Variants in FAM184A observed in about 807,000 individuals in gnomAD.
FAM184A encodes the protein family with sequence similarity 184 member A, also known as protein FAM184A.
Under a neutral mutation model 143.8 loss-of-function variants are expected in FAM184A, and 99 were observed. The ratio of observed to expected loss-of-function variants is 0.69; its 90% CI spans 0.58 to 0.81. The LOEUF (loss-of-function observed/expected upper bound fraction) is 0.81, where lower values mean the gene tolerates loss of function less well. Ranked by LOEUF, FAM184A falls within the 40% of genes least tolerant of loss-of-function variation. FAM184A has a pLI of 0.00. For synonymous variants in FAM184A, 427 were observed against 446.4 expected (o/e 0.96, Z 0.55); for missense variants, 1,217 against 1,310.5 (o/e 0.93, Z 1.10).
chr6:119,067,799 T>A (rs1161838999), intron 1 of FAM184A, among the ~76,000 whole-genome samples: 2 of 152,102 alleles, frequency 1.3e-5, no homozygotes, highest in Admixed American at 1.3e-4. Flanking sequence ...CAATGTAGAC[T>A]ATATATCCAT....
intron 1 of FAM184A, among the ~76,000 whole-genome samples, chr6:119,072,015 C>T (rs1252767864): frequency 6.6e-6 from 1 of 152,008 alleles, no homozygotes; most frequent in South Asian, 2.1e-4. Context: ...GCACCCACCA[C>T]CACACCAGCT....
intron 1 of FAM184A, among the ~76,000 whole-genome samples, chr6:119,053,335 A>AC (rs953763636): frequency 1.3e-5 from 2 of 151,616 alleles, no homozygotes; most frequent in Non-Finnish European, 2.9e-5. Context: ...TTACTCACAT[A>AC]CCCCCCAGAC....
intron 9 of FAM184A, among the ~76,000 whole-genome samples, chr6:118,993,638 A>T (rs1281306527): frequency 1.3e-5 from 2 of 152,362 alleles, no homozygotes; most frequent in East Asian, 3.9e-4. Flanking sequence ...AACATTGATT[A>T]GTTTTTGCTA....
At chr6:119,042,763 T>C (rs1322185888) in intron 1 of FAM184A, among the ~76,000 whole-genome samples, 1 of 152,162 alleles carries the variant, frequency 6.6e-6, no homozygotes, top group Non-Finnish European at 1.5e-5. Context: ...TGGGTGATAA[T>C]GATGTGTCAA....
At chr6:119,023,373 T>C (rs931181491) in intron 2 of FAM184A, among the ~76,000 whole-genome samples, 3 of 152,158 alleles carry the variant, frequency 2.0e-5, no homozygotes, top group East Asian at 1.9e-4. Flanking sequence ...CCGGCATTTT[T>C]TTCCCCCAGA....
chr6:119,026,936 T>A (rs1785655131), intron 1 of FAM184A, among the ~76,000 whole-genome samples: 1 of 152,196 alleles, frequency 6.6e-6, no homozygotes, highest in Admixed American at 6.5e-5. Context: ...CCAGAGAGCA[T>A]GACACCTTTT....
At chr6:119,072,516 C>G (rs1372551816) in intron 1 of FAM184A, among the ~76,000 whole-genome samples, 1 of 152,026 alleles carries the variant, frequency 6.6e-6, no homozygotes. Context: ...TCAAACAAAC[C>G]AATTAGTGAA....
At chr6:118,972,939 T>C (rs1394671938) in intron 14 of FAM184A, among the ~76,000 whole-genome samples, 2 of 152,324 alleles carry the variant, frequency 1.3e-5, no homozygotes, top group Non-Finnish European at 2.9e-5. Flanking sequence ...GGCAGATACC[T>C]GAGCTCATAC....
intron 1 of FAM184A, among the ~76,000 whole-genome samples, chr6:119,074,720 T>C (rs1426065019): frequency 6.6e-6 from 1 of 152,218 alleles, no homozygotes; most frequent in East Asian, 1.9e-4. Flanking sequence ...AAAACATAAT[T>C]GAATCCATCC....
In FAM184A at chr6:118,999,163, G is replaced by A. The variant is rs1784669649; in HGVS notation, c.2088+3736C>T. Among the ~76,000 whole-genome samples, 3 of 152,140 alleles carry A rather than the reference G, an allele frequency of 2.0e-5. 1 individual carries two copies. The highest frequency in any genetic ancestry group is 2.0e-4 in the Admixed American group (3 of 15,258). ...GCTGAGCAGTAAACAGTGAACGGAC[G>A]CTAGTTCTAGAAAGAGCAGTTTGGC... is the stretch of plus-strand genomic sequence containing the variant. On this transcript the variant is annotated intron_variant, in intron 9 of 17. Coordinates refer to ENST00000338891, the MANE Select transcript of FAM184A (RefSeq NM_024581.6).
intron 1 of FAM184A, among the ~76,000 whole-genome samples, chr6:119,140,799 G>A (rs1278662672): frequency 1.3e-5 from 2 of 152,198 alleles, no homozygotes; most frequent in South Asian, 2.1e-4. Context: ...CCTGGTATGA[G>A]AACCCTGCTA....
chr6:118,998,593 T>C (rs1268306278), intron 9 of FAM184A, among the ~76,000 whole-genome samples: 1 of 152,130 alleles, frequency 6.6e-6, no homozygotes, highest in Non-Finnish European at 1.5e-5. Flanking sequence ...AGAAAGCTCT[T>C]TTTGTGGAGT....
At chr6:119,127,424 G>A (rs773648520) in intron 1 of FAM184A, among the ~76,000 whole-genome samples, 1 of 152,204 alleles carries the variant, frequency 6.6e-6, no homozygotes, top group Non-Finnish European at 1.5e-5. Context: ...GAAAAGAGTA[G>A]CTAGGACTGT....
chr6:119,051,825 A>G (rs1028954979), intron 1 of FAM184A, among the ~76,000 whole-genome samples: 4 of 152,228 alleles, frequency 2.6e-5, no homozygotes, highest in Admixed American at 2.6e-4. Context: ...TTGGAAATTA[A>G]TAAAAGTTAA....
intron 1 of FAM184A, among the ~76,000 whole-genome samples, chr6:119,131,716 T>C (rs528115700): frequency 6.6e-6 from 1 of 152,176 alleles, no homozygotes; most frequent in East Asian, 1.9e-4. Flanking sequence ...ATTCCTGGAC[T>C]CAAGCCATCC....
intron 9 of FAM184A, among the ~76,000 whole-genome samples, chr6:118,994,868 T>C (rs1481666435): frequency 3.3e-5 from 5 of 152,178 alleles, no homozygotes; most frequent in East Asian, 1.9e-4. Flanking sequence ...CAGAGCAACA[T>C]TGCCATAGGG....
chr6:119,005,223 TTTC>T, intron 7 of FAM184A: 1 of 152,248 alleles, frequency 6.6e-6, no homozygotes, highest in East Asian at 1.9e-4. Flanking sequence ...ATTCCAATTA[TTTC>T]TTGTTATATA....
intron 1 of FAM184A, among the ~76,000 whole-genome samples, chr6:119,067,756 G>A (rs1787512049): frequency 6.6e-6 from 1 of 152,120 alleles, no homozygotes. Context: ...TTTATTTGCT[G>A]CTCAACCTTT....
intron 3 of FAM184A, among the ~76,000 whole-genome samples, chr6:119,021,977 A>AAAAAT (rs757077430): frequency 1.3e-5 from 2 of 152,058 alleles, no homozygotes; most frequent in East Asian, 1.9e-4. Context: ...CCTTGTCTCA[A>AAAAAT]AAAATAAAAT....
Sources: gnomAD v4.1 joint callset for allele counts (sites outside exome capture counted in the v4.1 genomes callset) on GRCh38, gnomAD v4.1.1 for gene constraint, MANE v1.5 for transcripts, NCBI Gene and HGNC (gene_info 2026-07-23, HGNC 2026-07-21) for gene names.